ERICH6: variants seen among roughly 807,000 people sequenced by gnomAD.
ERICH6 encodes the protein glutamate rich 6.
In ERICH6, 71 loss-of-function variants were observed where a neutral mutation model predicts 71.0. That is an observed-to-expected ratio of 1.00 (90% CI 0.83 to 1.22). ERICH6 has a LOEUF of 1.22. ERICH6 is among the 50% of genes most tolerant of loss of function. The pLI, the probability that ERICH6 is intolerant of heterozygous loss-of-function variation, is 0.00. For synonymous variants in ERICH6, 262 were observed against 278.4 expected, an observed-to-expected ratio of 0.94 and a Z score of 0.59; for missense variants, 808 against 797.2, an observed-to-expected ratio of 1.01 and a Z score of -0.16.
chr3:150,676,954 G>A (rs527924990), intron 10 of ERICH6, among the ~76,000 whole-genome samples: 15 of 151,704 alleles, frequency 9.9e-5, no homozygotes, highest in East Asian at 1.9e-4. Context: ...CTGGGATTAC[G>A]GGTGCCTGCC....
In ERICH6 at chr3:150,678,422, A is replaced by C; in HGVS notation, c.1244T>G (p.Ile415Arg). 1 of 1,576,888 alleles carries C rather than the reference A, an allele frequency of 6.3e-7. No individual in the cohort carries two copies. Among genetic ancestry groups the C allele is most frequent in the African/African-American group, 1.4e-5 (1 of 72,576 alleles). Reference sequence around the variant, plus strand: ...CAAGTTCATTACCTTTCCACATGCTATCCGAGAATCACAACAAATGATAGA... The same window carrying C: ...CAAGTTCATTACCTTTCCACATGCTCTCCGAGAATCACAACAAATGATAGA... ...NMSIICCDSR[I>R]ACGKVVRNEL... The change falls in exon 10 of 14, where the codon ATA (isoleucine) becomes AGA (arginine). Residue 415 changes from isoleucine (I) to arginine (R), a missense_variant. Coordinates refer to ENST00000295910, the MANE Select transcript of ERICH6 (RefSeq NM_152394.5).
At chr3:150,699,728 A>C (rs1194789155) in intron 2 of ERICH6, among the ~76,000 whole-genome samples, 2 of 149,432 alleles carry the variant, frequency 1.3e-5, no homozygotes, top group African/African-American at 2.4e-5. Flanking sequence ...AAAAACAAAA[A>C]AAAAAAACAC....
chr3:150,682,766 T>G (rs548826296), intron 6 of ERICH6, among the ~76,000 whole-genome samples: 1 of 152,304 alleles, frequency 6.6e-6, no homozygotes, highest in East Asian at 1.9e-4. Flanking sequence ...GAAAAAGCCT[T>G]GACATTACTG....
intron 3 of ERICH6, among the ~76,000 whole-genome samples, chr3:150,689,767 T>G (rs1245587809): frequency 6.6e-6 from 1 of 152,194 alleles, no homozygotes; most frequent in Non-Finnish European, 1.5e-5. Context: ...ATGAGGAGCC[T>G]AAAATAGTTT....
At position 150,666,869 on chromosome 3, in the gene ERICH6, C is replaced by G. The variant is rs199929972; in HGVS notation, c.1646G>C (p.Arg549Pro). 2.5e-6 allele frequency: 4 copies of G among 1,613,964 alleles called. No individual in the cohort carries two copies. The African/African-American group carries it at 5.3e-5, about 22-fold the overall frequency. ...AGAAATCTTGTCTTGTTCTAAGATG[C>G]GGACTCCAATATAACGGTTCAAAGC... ...FLALNRYIGVRILEQDKISIT... is the reference protein window; with the variant it reads ...FLALNRYIGVPILEQDKISIT... Residue 549 changes from arginine (R) to proline (P), a missense_variant, in exon 13 of 14, where the codon CGC becomes CCC. This residue lies in a region of ERICH6 where 736 missense variants were observed against 712.2 expected (regional missense o/e 1.03). Transcript: ENST00000295910.
At chr3:150,683,956 G>C (rs534930079) in intron 6 of ERICH6, among the ~76,000 whole-genome samples, 1 of 152,240 alleles carries the variant, frequency 6.6e-6, no homozygotes, top group Non-Finnish European at 1.5e-5. Context: ...GTTCAGGGAC[G>C]TCTTGGGGGA....
At position 150,703,620 on chromosome 3, in the gene ERICH6, G is replaced by C. The variant is rs766091049; in HGVS notation, c.279C>G (p.Asp93Glu). ...DIGDYDDDFP[D>E]VRPRLASIVS... ...CGATGCTGGCTAAGCGGGGGCGCAC[G>C]TCTGGGAAGTCGTCGTCGTAGTCAC... The change falls in exon 1 of 14, where the codon GAC becomes GAG. Residue 93 changes from aspartate to glutamate, a missense_variant. By Grantham distance (45) the Asp-to-Glu change is conservative. Around this residue, in one of 3 missense-constraint regions of ERICH6, gnomAD observed 736 missense variants for 712.2 expected, o/e 1.03. Transcript: ENST00000295910. The C allele has an allele frequency of 2.5e-6, 4 of 1,613,952 alleles. No individual in the cohort carries two copies. Among genetic ancestry groups the C allele is most frequent in the Non-Finnish European group, 3.4e-6 (4 of 1,180,010 alleles).
chr3:150,698,726 C>T (rs1357331076), intron 3 of ERICH6, 65 bp downstream of exon 3: 3 of 1,352,306 alleles, frequency 2.2e-6, no homozygotes, highest in Non-Finnish European at 2.1e-6. Flanking sequence ...TGGCCTTCTA[C>T]ACCTGTGATA....
At chr3:150,666,201 TG>T (rs1319421016) in intron 13 of ERICH6, among the ~76,000 whole-genome samples, 8 of 152,204 alleles carry the variant, frequency 5.3e-5, no homozygotes, top group Admixed American at 1.3e-4. Flanking sequence ...CTCAGGGCTG[TG>T]CCCTGGGAGA....
intron 10 of ERICH6, among the ~76,000 whole-genome samples, chr3:150,675,967 T>C (rs1234490309): frequency 6.6e-6 from 1 of 151,764 alleles, no homozygotes; most frequent in Non-Finnish European, 1.5e-5. Context: ...AACCTGTTGA[T>C]TGGTCTCTTT....
chr3:150,686,065 G>T, intron 4 of ERICH6, 44 bp from the exon 5 acceptor site: 2 of 1,472,152 alleles, frequency 1.4e-6, no homozygotes, highest in Non-Finnish European at 1.9e-6. Flanking sequence ...TAAAGCCTTT[G>T]TGCAGTGCAT....
intron 3 of ERICH6, among the ~76,000 whole-genome samples, chr3:150,697,267 T>C (rs1437633771): frequency 6.6e-6 from 1 of 152,208 alleles, no homozygotes; most frequent in Non-Finnish European, 1.5e-5. Flanking sequence ...ATGATAATAG[T>C]GGTGACATCT....
intron 3 of ERICH6, among the ~76,000 whole-genome samples, chr3:150,694,849 T>C (rs56155317): frequency 0.14 from 21,063 of 152,202 alleles, 1,573 homozygotes; most frequent in Non-Finnish European, 0.15. Flanking sequence ...GAGTACCTTA[T>C]ATAAACAACA....
At chr3:150,702,333 A>G (rs946671995) in intron 1 of ERICH6, among the ~76,000 whole-genome samples, 155 bp from the exon 2 acceptor site, 2 of 143,748 alleles carry the variant, frequency 1.4e-5, no homozygotes, top group Non-Finnish European at 3.0e-5. Context: ...CTGGAGTGCA[A>G]TGGCGCGATC....
At position 150,680,484 on chromosome 3, in the gene ERICH6, A is replaced by C; in HGVS notation, c.1095T>G (p.Thr365=). 3 of 1,614,174 alleles carry C rather than the reference A, an allele frequency of 1.9e-6. No individual in the cohort carries two copies. Among genetic ancestry groups the C allele is most frequent in the Non-Finnish European group, 2.5e-6 (3 of 1,180,006 alleles). Residue 365 remains threonine (T), a synonymous_variant, in exon 9 of 14, where the codon ACT becomes ACG. Coordinates refer to ENST00000295910, the MANE Select transcript of ERICH6 (RefSeq NM_152394.5). ...TGAACTCACCATCTTCAGAGAAATG[A>C]GTCTGTTCCCTTGATATTATTGCAA... ...RHFAIISREQ[T]HFSEDDSKRL...
At chr3:150,682,070 C>G in intron 7 of ERICH6, 148 bp downstream of exon 7, 1 of 663,420 alleles carries the variant, frequency 1.5e-6, no homozygotes, top group South Asian at 2.0e-5. Context: ...CCACCTCGGC[C>G]TCCCGAAGTG....
At chr3:150,668,970 A>C (rs531371644) in intron 12 of ERICH6, among the ~76,000 whole-genome samples, 16 of 152,352 alleles carry the variant, frequency 1.1e-4, no homozygotes, top group African/African-American at 3.4e-4. Context: ...CAGGCTCTAG[A>C]GACTGCCTCA....
At chr3:150,672,989 C>A (rs992437948) in intron 11 of ERICH6, among the ~76,000 whole-genome samples, 9 of 152,062 alleles carry the variant, frequency 5.9e-5, no homozygotes, top group African/African-American at 1.7e-4. Flanking sequence ...TGTGCCACTG[C>A]ACTCTAACCC....
At chr3:150,667,075 T>C in intron 12 of ERICH6, 60 bp from the exon 13 acceptor site, 1 of 1,485,420 alleles carries the variant, frequency 6.7e-7, no homozygotes. Context: ...ATACTGGAAT[T>C]ATCCCTGTCA....
Sources: gnomAD v4.1 joint callset for allele counts (sites outside exome capture counted in the v4.1 genomes callset) on GRCh38, gnomAD v4.1.1 for gene constraint, gnomAD v4.1.1 regional missense constraint, MANE v1.5 for transcripts, NCBI Gene and HGNC (gene_info 2026-07-23, HGNC 2026-07-21) for gene names.